The following GALNT17 variants were observed in gnomAD, a reference collection of about 807,000 sequenced individuals.
GALNT17 encodes the protein UDP-GalNAc:polypeptide N-acetylgalactosaminyltransferase-like 3.
In GALNT17, 29 loss-of-function variants were observed where a neutral mutation model predicts 63.7. That is an observed-to-expected ratio of 0.46 (90% confidence interval 0.34 to 0.62). GALNT17 has a LOEUF of 0.62. Ranked by LOEUF, GALNT17 falls within the 20% of genes least tolerant of loss-of-function variation. GALNT17 has a pLI of 0.01. For missense variants in GALNT17, 603 were observed against 799.6 expected (o/e 0.75, Z 2.97); for synonymous variants, 305 against 318.3 (o/e 0.96, Z 0.45).
chr7:71,474,539 A>T (rs558046547), intron 5 of GALNT17, among the ~76,000 whole-genome samples: 1 of 152,248 alleles, frequency 6.6e-6, no homozygotes, highest in African/African-American at 2.4e-5. Flanking sequence ...ATGCCTCAAT[A>T]TAAAATGAAA....
intron 1 of GALNT17, among the ~76,000 whole-genome samples, chr7:71,200,806 C>T (rs1161614578): frequency 3.3e-5 from 5 of 151,844 alleles, no homozygotes; most frequent in Non-Finnish European, 7.4e-5. Flanking sequence ...GTTATTAGGT[C>T]GTTTCTATTT....
intron 1 of GALNT17, among the ~76,000 whole-genome samples, chr7:71,333,310 TGCCATA>T (rs1344788309): frequency 6.6e-6 from 1 of 152,222 alleles, no homozygotes; most frequent in Non-Finnish European, 1.5e-5. Context: ...AGTTCACTCA[TGCCATA>T]GCTTGTATCA....
At chr7:71,457,519 G>A (rs997192945) in intron 5 of GALNT17, among the ~76,000 whole-genome samples, 2 of 152,234 alleles carry the variant, frequency 1.3e-5, no homozygotes, top group African/African-American at 4.8e-5. Context: ...CATAGCCAGA[G>A]CAGCCCCGAA....
chr7:71,452,353 A>G (rs1181859515), intron 5 of GALNT17, among the ~76,000 whole-genome samples: 1 of 152,098 alleles, frequency 6.6e-6, no homozygotes, highest in Non-Finnish European at 1.5e-5. Flanking sequence ...CGAGACCAGC[A>G]TAGCCAACAA....
In GALNT17 at chr7:71,571,208, C is replaced by T; in HGVS notation, c.963-77C>T. The stretch of plus-strand genomic sequence containing the variant: ...AGTACATGCTAGACCGGAACCAGTA[C>T]ATACTAGGACGGTGCCTATGGAAGG... On this transcript the variant is annotated intron_variant, in intron 5 of 10. Transcript: ENST00000333538. 4.0e-6 allele frequency: 5 copies of T among 1,258,994 alleles called. No individual in the cohort carries two copies. The South Asian group carries it at 6.0e-5, about 15-fold the overall frequency. The allele number at this position is 1,258,994 out of a possible 1,614,324, so 78.0% of individuals were successfully genotyped here.
At chr7:71,474,520 G>A (rs1395320760) in intron 5 of GALNT17, among the ~76,000 whole-genome samples, 1 of 152,062 alleles carries the variant, frequency 6.6e-6, no homozygotes, top group Non-Finnish European at 1.5e-5. Context: ...CATCCAGAAA[G>A]GTAAAATTAT....
chr7:71,603,061 A>ATACTATGCTAAGTGCATACACCAGG (rs1282617027), intron 6 of GALNT17, among the ~76,000 whole-genome samples: 2 of 151,878 alleles, frequency 1.3e-5, no homozygotes, highest in African/African-American at 4.8e-5. Context: ...CATACACTGG[A>ATACTATGCTAAGTGCATACACCAGG]TACTATGCTA....
intron 3 of GALNT17, among the ~76,000 whole-genome samples, chr7:71,402,115 A>T (rs1793251436): frequency 6.6e-6 from 1 of 152,226 alleles, no homozygotes; most frequent in African/African-American, 2.4e-5. Context: ...AGTAGCTTTC[A>T]TTCAGGGTTT....
At chr7:71,555,184 G>A (rs1175532871) in intron 5 of GALNT17, among the ~76,000 whole-genome samples, 1 of 151,510 alleles carries the variant, frequency 6.6e-6, no homozygotes, top group African/African-American at 2.4e-5. Context: ...ACCCAAACAG[G>A]TCCCATCAGG....
At chr7:71,540,928 C>G (rs1788879161) in intron 5 of GALNT17, among the ~76,000 whole-genome samples, 1 of 152,100 alleles carries the variant, frequency 6.6e-6, no homozygotes, top group Non-Finnish European at 1.5e-5. Context: ...TAAGACACAT[C>G]GAAGAGTTAT....
intron 1 of GALNT17, among the ~76,000 whole-genome samples, chr7:71,321,584 G>A (rs1459032098): frequency 5.3e-5 from 8 of 152,206 alleles, no homozygotes; most frequent in Middle Eastern, 3.4e-3. Context: ...CATTGTCTTC[G>A]TGCTTCAATT....
chr7:71,638,453 G>A (rs1287715221), intron 6 of GALNT17, among the ~76,000 whole-genome samples: 1 of 152,186 alleles, frequency 6.6e-6, no homozygotes, highest in African/African-American at 2.4e-5. Context: ...AAGTCTTAGA[G>A]TGGTAGATGA....
At chr7:71,519,826 G>A (rs1182984552) in intron 5 of GALNT17, among the ~76,000 whole-genome samples, 1 of 152,080 alleles carries the variant, frequency 6.6e-6, no homozygotes, top group Admixed American at 6.5e-5. Context: ...CACCTAGAAG[G>A]CATTCAGTCC....
chr7:71,628,512 G>A (rs191289353), intron 6 of GALNT17, among the ~76,000 whole-genome samples: 2 of 152,026 alleles, frequency 1.3e-5, no homozygotes, highest in Admixed American at 6.5e-5. Context: ...TAGTAGAGAC[G>A]GGGTTTCACC....
chr7:71,210,532 T>C (rs1043055363), intron 1 of GALNT17, among the ~76,000 whole-genome samples: 2 of 152,212 alleles, frequency 1.3e-5, no homozygotes, highest in Non-Finnish European at 2.9e-5. Context: ...AGAGAGTGGG[T>C]AATAAAGCAG....
chr7:71,231,328 G>A (rs985624975), intron 1 of GALNT17, among the ~76,000 whole-genome samples: 5 of 151,740 alleles, frequency 3.3e-5, no homozygotes, highest in Non-Finnish European at 5.9e-5. Context: ...TGGTATCTGG[G>A]TTTTCCCCCA....
At chr7:71,467,887 G>A (rs760546128) in intron 5 of GALNT17, among the ~76,000 whole-genome samples, 21 of 152,134 alleles carry the variant, frequency 1.4e-4, no homozygotes, top group Non-Finnish European at 2.5e-4. Flanking sequence ...AAGGTGTATT[G>A]GCTAGTGTCT....
chr7:71,635,229 A>G (rs1345618869), intron 6 of GALNT17, among the ~76,000 whole-genome samples: 1 of 151,466 alleles, frequency 6.6e-6, no homozygotes, highest in Non-Finnish European at 1.5e-5. Context: ...AAAAAGAGGA[A>G]TGCCCAGGTT....
At chr7:71,398,442 C>T (rs1034694410) in intron 3 of GALNT17, among the ~76,000 whole-genome samples, 20 of 152,030 alleles carry the variant, frequency 1.3e-4, no homozygotes, top group Admixed American at 1.3e-3. Context: ...TCTGAAAGCT[C>T]CTTTTATAAC....
Sources: gnomAD v4.1 joint callset for allele counts (sites outside exome capture counted in the v4.1 genomes callset) on GRCh38, gnomAD v4.1.1 for gene constraint, MANE v1.5 for transcripts, NCBI Gene and HGNC (gene_info 2026-07-23, HGNC 2026-07-21) for gene names.